The following MAF variants were observed in gnomAD, a reference collection of about 807,000 sequenced individuals.
MAF encodes MAF bZIP transcription factor, also known as transcription factor Maf.
In MAF, 10 loss-of-function variants were observed where a neutral mutation model predicts 22.0. The ratio of observed to expected loss-of-function variants is 0.45; its 90% CI spans 0.28 to 0.77. The LOEUF is 0.77. MAF is among the 30% of genes least tolerant of loss of function. The pLI is 0.12. For synonymous variants in MAF, 337 were observed against 255.8 expected (o/e 1.32, Z -3.03); for missense variants, 544 against 548.4 (o/e 0.99, Z 0.08).
chr16:79,263,730 G>C, the MAF span, among the ~76,000 whole-genome samples: 1 of 151,736 alleles, frequency 6.6e-6, no homozygotes, highest in African/African-American at 2.4e-5. Flanking sequence ...CTGGTAATTA[G>C]CTTGGAGATT....
chr16:79,266,629 A>G, the MAF span, among the ~76,000 whole-genome samples: 1 of 152,228 alleles, frequency 6.6e-6, no homozygotes, highest in Admixed American at 6.5e-5. Flanking sequence ...TACTTATATA[A>G]GAATTAAGCT....
the MAF span, among the ~76,000 whole-genome samples, chr16:79,481,104 G>A: frequency 6.6e-6 from 1 of 152,128 alleles, no homozygotes; most frequent in Non-Finnish European, 1.5e-5. Context: ...ACAGAATTCT[G>A]TTCTGTTCCC....
the MAF span, among the ~76,000 whole-genome samples, chr16:79,502,418 C>G: frequency 2.0e-5 from 3 of 152,162 alleles, no homozygotes; most frequent in African/African-American, 7.2e-5. Context: ...CTAACTCCAG[C>G]ACTTTGGGAG....
chr16:79,379,907 G>A, the MAF span, among the ~76,000 whole-genome samples: 2 of 152,188 alleles, frequency 1.3e-5, no homozygotes, highest in African/African-American at 4.8e-5. Context: ...TTTGAGCTCA[G>A]AGACTCCCCT....
chr16:79,391,782 A>C, the MAF span, among the ~76,000 whole-genome samples: 1 of 152,036 alleles, frequency 6.6e-6, no homozygotes, highest in Non-Finnish European at 1.5e-5. Flanking sequence ...CTGCTACCGG[A>C]GAGGCCCAGG....
chr16:79,409,515 G>A, the MAF span, among the ~76,000 whole-genome samples: 1 of 152,214 alleles, frequency 6.6e-6, no homozygotes, highest in Non-Finnish European at 1.5e-5. Context: ...TCCCATGACA[G>A]GAGCCCGTGT....
the MAF span, among the ~76,000 whole-genome samples, chr16:79,512,138 A>G: frequency 6.6e-6 from 1 of 152,206 alleles, no homozygotes; most frequent in Non-Finnish European, 1.5e-5. Flanking sequence ...TCTTTGAATG[A>G]CAATGTTTTT....
the MAF span, among the ~76,000 whole-genome samples, chr16:79,472,470 A>G: frequency 6.6e-6 from 1 of 152,186 alleles, no homozygotes; most frequent in Non-Finnish European, 1.5e-5. Flanking sequence ...TGCATGCCAC[A>G]TCAGGGGGAA....
At chr16:79,260,209 G>A in the MAF span, among the ~76,000 whole-genome samples, 1 of 152,166 alleles carries the variant, frequency 6.6e-6, no homozygotes, top group Non-Finnish European at 1.5e-5. Flanking sequence ...GGAGTGCAGT[G>A]GTGCAGTCGT....
At chr16:79,561,705 GAGA>G in the MAF span, among the ~76,000 whole-genome samples, 1 of 152,048 alleles carries the variant, frequency 6.6e-6, no homozygotes, top group African/African-American at 2.4e-5. Flanking sequence ...ATGTCTTGAG[GAGA>G]AGAAGAAAAA....
chr16:79,289,573 G>A, the MAF span, among the ~76,000 whole-genome samples: 1 of 152,122 alleles, frequency 6.6e-6, no homozygotes, highest in Non-Finnish European at 1.5e-5. Context: ...TTATACTACG[G>A]GCGGATGAGT....
the MAF span, among the ~76,000 whole-genome samples, chr16:79,504,286 G>A: frequency 6.6e-6 from 1 of 152,136 alleles, no homozygotes; most frequent in Non-Finnish European, 1.5e-5. Context: ...GTCCCTTATA[G>A]CTGATAGCCT....
the MAF span, among the ~76,000 whole-genome samples, chr16:79,227,145 C>G: frequency 1.4e-4 from 21 of 152,148 alleles, no homozygotes; most frequent in Non-Finnish European, 2.5e-4. Context: ...TGAGATGAGC[C>G]TGGTCTCAAC....
the MAF span, among the ~76,000 whole-genome samples, chr16:79,514,380 G>A: frequency 6.6e-6 from 1 of 152,172 alleles, no homozygotes; most frequent in African/African-American, 2.4e-5. Context: ...ATAAATAATA[G>A]CTTTGTAAAG....
the MAF span, among the ~76,000 whole-genome samples, chr16:79,244,802 A>G: frequency 2.6e-5 from 4 of 152,204 alleles, no homozygotes; most frequent in Admixed American, 2.0e-4. Context: ...GCATCATGCT[A>G]CCTGACTTCA....
At chr16:79,334,599 T>TA in the MAF span, among the ~76,000 whole-genome samples, 10 of 152,170 alleles carry the variant, frequency 6.6e-5, no homozygotes, top group African/African-American at 2.4e-4. Context: ...GGTCTCTTGC[T>TA]AAAAAATTCT....
the MAF span, among the ~76,000 whole-genome samples, chr16:79,529,566 A>G: frequency 6.6e-6 from 1 of 152,208 alleles, no homozygotes. Context: ...GTGTTTTGGA[A>G]GAGTTAAAAG....
the MAF span, among the ~76,000 whole-genome samples, chr16:79,215,762 A>T: frequency 2.6e-5 from 4 of 152,242 alleles, no homozygotes; most frequent in African/African-American, 9.6e-5. Context: ...TTCAAGGTTT[A>T]AAGTAAACCC....
At chr16:79,202,816 T>A in the MAF span, 1 of 152,200 alleles carries the variant, frequency 6.6e-6, no homozygotes, top group Non-Finnish European at 1.5e-5. Flanking sequence ...TCTACAGTTA[T>A]TTACAGTCTA....
Sources: gnomAD v4.1 joint callset for allele counts (sites outside exome capture counted in the v4.1 genomes callset) on GRCh38, gnomAD v4.1.1 for gene constraint, MANE v1.5 for transcripts, NCBI Gene and HGNC (gene_info 2026-07-23, HGNC 2026-07-21) for gene names.